Variants in RALYL observed in about 807,000 individuals in gnomAD.
The protein encoded by RALYL is RALY RNA binding protein like.
In RALYL, 29 loss-of-function variants were observed where a neutral mutation model predicts 35.1. The ratio of observed to expected loss-of-function variants is 0.83; its 90% CI spans 0.61 to 1.13. RALYL has a LOEUF of 1.13. Ranked by LOEUF, RALYL falls within the 50% of genes most tolerant of loss-of-function variation. The pLI is 0.00. For missense variants in RALYL, 359 were observed against 360.4 expected (o/e 1.00, Z 0.03); for synonymous variants, 120 against 127.6 (o/e 0.94, Z 0.40).
intron 1 of RALYL, among the ~76,000 whole-genome samples, chr8:84,297,465 A>G (rs1053989764): frequency 3.3e-5 from 5 of 152,090 alleles, no homozygotes; most frequent in African/African-American, 1.2e-4. Flanking sequence ...CTTGATGGGC[A>G]TTAAGGTTGA....
At chr8:84,506,776 G>T (rs1009900024) in intron 1 of RALYL, among the ~76,000 whole-genome samples, 1 of 151,878 alleles carries the variant, frequency 6.6e-6, no homozygotes, top group Non-Finnish European at 1.5e-5. Flanking sequence ...TAGAATACAA[G>T]TAAAATTTTA....
chr8:84,654,194 C>T (rs568620954), intron 2 of RALYL, among the ~76,000 whole-genome samples: 6 of 139,642 alleles, frequency 4.3e-5, no homozygotes, highest in African/African-American at 1.6e-4. Flanking sequence ...AAGAAGCCAC[C>T]ATCACCAACA....
intron 3 of RALYL, among the ~76,000 whole-genome samples, chr8:84,792,860 T>A (rs1241095409): frequency 6.6e-6 from 1 of 152,228 alleles, no homozygotes; most frequent in Admixed American, 6.5e-5. Context: ...AGTTCCAGAA[T>A]GTCCCATCTG....
intron 3 of RALYL, among the ~76,000 whole-genome samples, chr8:84,799,379 A>G (rs1009689388): frequency 2.0e-5 from 3 of 152,362 alleles, no homozygotes; most frequent in African/African-American, 7.2e-5. Context: ...TTTGTATTTT[A>G]GAAATTTAAT....
At chr8:84,376,650 A>G (rs1334583834) in intron 1 of RALYL, among the ~76,000 whole-genome samples, 1 of 151,904 alleles carries the variant, frequency 6.6e-6, no homozygotes, top group Non-Finnish European at 1.5e-5. Flanking sequence ...AACAGGGATT[A>G]GAAGAGTAGT....
chr8:84,867,108 C>A (rs1839311820), intron 6 of RALYL, among the ~76,000 whole-genome samples: 1 of 152,108 alleles, frequency 6.6e-6, no homozygotes, highest in African/African-American at 2.4e-5. Flanking sequence ...CTGTGTCAGT[C>A]CTCTCTCCTT....
At chr8:84,728,586 T>G (rs1845478725) in intron 2 of RALYL, among the ~76,000 whole-genome samples, 1 of 152,148 alleles carries the variant, frequency 6.6e-6, no homozygotes, top group South Asian at 2.1e-4. Flanking sequence ...TAGGTTTTCT[T>G]CTAGGGTTTT....
intron 3 of RALYL, among the ~76,000 whole-genome samples, chr8:84,782,615 C>G (rs555223665): frequency 6.6e-6 from 1 of 152,188 alleles, no homozygotes; most frequent in Non-Finnish European, 1.5e-5. Flanking sequence ...AAGCTAAGAT[C>G]TCTTCATCAG....
intron 3 of RALYL, among the ~76,000 whole-genome samples, chr8:84,778,576 A>G (rs75167081): frequency 1.4e-3 from 210 of 152,344 alleles, no homozygotes; most frequent in African/African-American, 4.8e-3. Context: ...GGAAAGTTAA[A>G]GGAAGAAGAC....
At chr8:84,679,454 G>A (rs562615966) in intron 2 of RALYL, 8 of 316,700 alleles carry the variant, frequency 2.5e-5, no homozygotes, top group Middle Eastern at 1.1e-3. Context: ...GACACTCTGT[G>A]CTTAGGTGGT....
At chr8:84,535,161 G>A (rs1369410954) in intron 2 of RALYL, among the ~76,000 whole-genome samples, 1 of 152,040 alleles carries the variant, frequency 6.6e-6, no homozygotes, top group African/African-American at 2.4e-5. Flanking sequence ...AATAATATTA[G>A]TATTTACGCC....
In RALYL at chr8:84,774,613, A is replaced by G. The variant is rs1221923655; in HGVS notation, c.291A>G (p.Arg97=). The G allele has an allele frequency of 3.1e-6, 5 of 1,609,394 alleles. No homozygotes were observed. Among genetic ancestry groups the G allele is most frequent in the Non-Finnish European group, 2.5e-6 (3 of 1,177,590 alleles). Reference sequence around the variant, plus strand: ...TGGCAGGAGAGCCCAAACCATACAGACCAAAACCTGGAAACAAGAGGCCCC... The same window carrying G: ...TGGCAGGAGAGCCCAAACCATACAGGCCAAAACCTGGAAACAAGAGGCCCC... The part of the protein sequence containing the change: ...INMAGEPKPY[R]PKPGNKRPLS... The change falls in exon 3 of 9, where the codon AGA becomes AGG. Residue 97 remains arginine, a synonymous_variant. Coordinates refer to ENST00000521268, the MANE Select transcript of RALYL (RefSeq NM_173848.7).
chr8:84,917,732 A>G (rs1301111966), intron 8 of RALYL, among the ~76,000 whole-genome samples: 1 of 151,816 alleles, frequency 6.6e-6, no homozygotes, highest in Non-Finnish European at 1.5e-5. Context: ...TATTCCAATA[A>G]GTTACTACTC....
intron 1 of RALYL, among the ~76,000 whole-genome samples, chr8:84,393,175 C>G (rs147358568): frequency 3.1e-4 from 47 of 152,188 alleles, no homozygotes; most frequent in African/African-American, 9.6e-4. Context: ...TTTGGGGTAT[C>G]TCACAAGACT....
In RALYL at chr8:84,273,096, T is replaced by C. The variant is rs80178619; in HGVS notation, c.-24+88672T>C. Among the ~76,000 whole-genome samples the C allele has an allele frequency of 5.6e-3, 851 of 152,382 alleles. 10 individuals are homozygous for C. Among genetic ancestry groups the C allele is most frequent in the African/African-American group, 0.019 (800 of 41,590 alleles). On this transcript the variant is annotated intron_variant, in intron 1 of 8. Coordinates refer to ENST00000521268, the MANE Select transcript of RALYL (RefSeq NM_173848.7). ...TTTTATAGTCAGAGGACAAGTTTAC[T>C]GCTTTTTCTATTAGTTATCTATTAC...
At chr8:84,812,848 T>G (rs866294769) in intron 4 of RALYL, among the ~76,000 whole-genome samples, 23 of 152,182 alleles carry the variant, frequency 1.5e-4, no homozygotes, top group African/African-American at 5.3e-4. Context: ...GTCTCCCAGC[T>G]GCGAAAGAAA....
Position 84,668,949 on chromosome 8 carries a change from ACATCCATC to A in RALYL, c.257-105590_257-105583del, listed in dbSNP as rs529680899. On this transcript the variant is annotated intron_variant, in intron 2 of 8. Transcript: ENST00000521268. Reference sequence around the variant, plus strand: ...CTATTGAGGTTAAATGTTCAACAACACATCCATCCATCCATCCATCCATCCATCCATCC... The same window carrying A: ...CTATTGAGGTTAAATGTTCAACAACACATCCATCCATCCATCCATCCATCC... Among the ~76,000 whole-genome samples the A allele has an allele frequency of 4.7e-3, 707 of 150,698 alleles. 6 individuals carry two copies. The highest frequency in any genetic ancestry group is 0.015 in the African/African-American group (607 of 40,778).
intron 2 of RALYL, among the ~76,000 whole-genome samples, chr8:84,750,272 G>T (rs530442050): frequency 2.0e-5 from 3 of 152,202 alleles, no homozygotes; most frequent in African/African-American, 7.2e-5. Flanking sequence ...GTCTTGTATT[G>T]GATACAGATT....
At chr8:84,498,375 C>T (rs1483007046) in intron 1 of RALYL, among the ~76,000 whole-genome samples, 1 of 151,906 alleles carries the variant, frequency 6.6e-6, no homozygotes, top group East Asian at 1.9e-4. Flanking sequence ...ATATTCAATG[C>T]CATTTCCTAT....
Sources: gnomAD v4.1 joint callset for allele counts (sites outside exome capture counted in the v4.1 genomes callset) on GRCh38, gnomAD v4.1.1 for gene constraint, MANE v1.5 for transcripts, NCBI Gene and HGNC (gene_info 2026-07-23, HGNC 2026-07-21) for gene names.